CDH18: variants seen among roughly 807,000 people sequenced by gnomAD.
CDH18 encodes the protein cadherin-18.
Under a neutral mutation model 67.9 loss-of-function variants are expected in CDH18, and 31 were observed. The observed-to-expected ratio is 0.46, with a 90% CI of 0.34 to 0.62. The LOEUF (loss-of-function observed/expected upper bound fraction) is 0.62. Among genes scored for constraint, CDH18 ranks in the 20% least tolerant of loss-of-function variants. CDH18 has a pLI of 0.01. For synonymous variants in CDH18, 362 were observed against 347.2 expected, an observed-to-expected ratio of 1.04 and a Z score of -0.48; for missense variants, 890 against 975.5, an observed-to-expected ratio of 0.91 and a Z score of 1.17.
intron 7 of CDH18, among the ~76,000 whole-genome samples, chr5:19,579,261 C>T (rs950195238): frequency 1.3e-5 from 2 of 151,948 alleles, no homozygotes; most frequent in African/African-American, 4.8e-5. Flanking sequence ...GAGATACATA[C>T]TCACAGTGAA....
At chr5:20,239,305 A>C (rs1742711809) in intron 2 of CDH18, among the ~76,000 whole-genome samples, 1 of 152,092 alleles carries the variant, frequency 6.6e-6, no homozygotes, top group Non-Finnish European at 1.5e-5. Context: ...AATACAAAAA[A>C]ACTATCTGGG....
intron 1 of CDH18, among the ~76,000 whole-genome samples, chr5:20,458,345 C>G (rs1395097858): frequency 6.6e-6 from 1 of 152,108 alleles, no homozygotes; most frequent in African/African-American, 2.4e-5. Context: ...TGGCCAGGTG[C>G]GGTGGCTCAT....
intron 5 of CDH18, among the ~76,000 whole-genome samples, chr5:19,664,415 G>A (rs2150323539): frequency 6.6e-6 from 1 of 151,942 alleles, no homozygotes. Flanking sequence ...GAAAGCTGAT[G>A]AAATATGTAT....
chr5:20,071,732 C>T (rs1398505944), intron 2 of CDH18, among the ~76,000 whole-genome samples: 2 of 152,020 alleles, frequency 1.3e-5, no homozygotes, highest in Non-Finnish European at 2.9e-5. Flanking sequence ...TTGGAAAATT[C>T]AAGCATTGTA....
chr5:20,162,592 T>C (rs1443704844), intron 2 of CDH18, among the ~76,000 whole-genome samples: 1 of 150,506 alleles, frequency 6.6e-6, no homozygotes, highest in Non-Finnish European at 1.5e-5. Context: ...AGGCCTTTGG[T>C]ACCATGGAGG....
chr5:20,163,297 A>G lies in CDH18; in HGVS notation c.-518+92147T>C, dbSNP rs114478472. Among the ~76,000 whole-genome samples the G allele has an allele frequency of 5.3e-3, 814 of 152,230 alleles. 7 individuals are homozygous for G. The highest frequency in any genetic ancestry group is 0.018 in the African/African-American group (761 of 41,548). On this transcript the variant is annotated intron_variant, in intron 2 of 14. Transcript: ENST00000507958. ...AATATAAAATTAATTACTTAGTATT[A>G]TCCAATATTATGCTTATAATTAAAT...
intron 5 of CDH18, among the ~76,000 whole-genome samples, chr5:19,665,157 T>C (rs1396227344): frequency 6.6e-6 from 1 of 152,030 alleles, no homozygotes; most frequent in Non-Finnish European, 1.5e-5. Context: ...GATTACTATA[T>C]ATTTAACATT....
At chr5:20,500,986 A>G (rs1754214709) in intron 1 of CDH18, among the ~76,000 whole-genome samples, 1 of 152,128 alleles carries the variant, frequency 6.6e-6, no homozygotes, top group African/African-American at 2.4e-5. Context: ...GTATCATAGA[A>G]CTCAACTGAC....
intron 2 of CDH18, among the ~76,000 whole-genome samples, chr5:19,999,812 G>A (rs985517599): frequency 6.6e-6 from 1 of 152,206 alleles, no homozygotes; most frequent in East Asian, 1.9e-4. Context: ...TTCTGAATAC[G>A]GGGCTTTATG....
intron 3 of CDH18, among the ~76,000 whole-genome samples, chr5:19,754,044 A>C (rs192729621): frequency 1.3e-5 from 2 of 152,298 alleles, no homozygotes; most frequent in East Asian, 3.9e-4. Flanking sequence ...TAAATCTCAC[A>C]GGACCTATAA....
At chr5:19,489,069 C>T (rs1579749261) in intron 11 of CDH18, among the ~76,000 whole-genome samples, 1 of 151,926 alleles carries the variant, frequency 6.6e-6, no homozygotes, top group East Asian at 1.9e-4. Flanking sequence ...TCTTAAAATC[C>T]TGGATAAATA....
intron 1 of CDH18, among the ~76,000 whole-genome samples, chr5:20,361,058 A>T (rs1183574375): frequency 6.6e-6 from 1 of 152,114 alleles, no homozygotes; most frequent in Non-Finnish European, 1.5e-5. Context: ...AAGAAGAATT[A>T]AAAGCTAGTA....
intron 1 of CDH18, among the ~76,000 whole-genome samples, chr5:20,489,312 C>A (rs1003319292): frequency 6.6e-6 from 1 of 152,038 alleles, no homozygotes; most frequent in Admixed American, 6.6e-5. Context: ...GACAATAATA[C>A]TACATGTATT....
chr5:20,544,746 G>T (rs992821272), intron 1 of CDH18, among the ~76,000 whole-genome samples: 1 of 152,080 alleles, frequency 6.6e-6, no homozygotes, highest in Non-Finnish European at 1.5e-5. Context: ...ATTTGGGTGG[G>T]GACACAGAGG....
intron 1 of CDH18, among the ~76,000 whole-genome samples, chr5:19,987,283 CA>C (rs1192307080): frequency 6.6e-6 from 1 of 151,674 alleles, no homozygotes; most frequent in Non-Finnish European, 1.5e-5. Context: ...CACACACACA[CA>C]CACACGCATA....
intron 1 of CDH18, among the ~76,000 whole-genome samples, chr5:20,436,337 C>T (rs1019506894): frequency 1.3e-5 from 2 of 151,848 alleles, no homozygotes; most frequent in Non-Finnish European, 2.9e-5. Context: ...TTATTTGATT[C>T]ATGAATTCTT....
intron 3 of CDH18, among the ~76,000 whole-genome samples, chr5:19,794,622 A>G (rs1776676064): frequency 2.0e-5 from 3 of 151,952 alleles, no homozygotes; most frequent in South Asian, 2.1e-4. Flanking sequence ...TTTCTGTAGA[A>G]CCCTAATATA....
chr5:20,304,480 G>T, intron 1 of CDH18: 1 of 1,573,576 alleles, frequency 6.4e-7, no homozygotes, highest in Non-Finnish European at 8.7e-7. Flanking sequence ...CTTCCGCTTG[G>T]CCCTCCAATG....
At position 19,647,527 on chromosome 5, in the gene CDH18, C is replaced by CAAAAAAA. The variant is rs3062888; in HGVS notation, c.644-34933_644-34927dup. ...CCCAGGTGACAGAGCGAGACTCCATCAAAAAAAAAAAAAAAAAAAAAAAAA... is the reference window on the plus strand; with the variant it reads ...CCCAGGTGACAGAGCGAGACTCCATCAAAAAAAAAAAAAAAAAAAAAAAAAAAAAAAA... On this transcript the variant is annotated intron_variant, in intron 5 of 12. Coordinates refer to ENST00000382275, the MANE Select transcript of CDH18 (RefSeq NM_004934.5). Among the ~76,000 whole-genome samples the CAAAAAAA allele has an allele frequency of 2.4e-3, 70 of 28,800 alleles. 11 individuals carry two copies. The highest frequency in any genetic ancestry group is 3.3e-3 in the Non-Finnish European group (57 of 17,220). 18.9% of individuals were successfully genotyped at this position (28,800 alleles called of 152,430 possible).
Sources: gnomAD v4.1 joint callset for allele counts (sites outside exome capture counted in the v4.1 genomes callset) on GRCh38, gnomAD v4.1.1 for gene constraint, MANE v1.5 for transcripts, NCBI Gene and HGNC (gene_info 2026-07-23, HGNC 2026-07-21) for gene names.